The following CNTNAP2 variants were observed in gnomAD, a reference collection of about 807,000 sequenced individuals.
The protein encoded by CNTNAP2 is contactin associated protein 2, also known as contactin-associated protein-like 2.
Under a neutral mutation model 155.2 loss-of-function variants are expected in CNTNAP2, and 98 were observed. That is an observed-to-expected ratio of 0.63 (90% CI 0.54 to 0.75). The LOEUF is 0.75. Ranked by LOEUF, CNTNAP2 falls within the 30% of genes least tolerant of loss-of-function variation. CNTNAP2 has a pLI of 0.00. For missense variants in CNTNAP2, 1,727 were observed against 1,688.1 expected (o/e 1.02, Z -0.40); for synonymous variants, 651 against 631.2 (o/e 1.03, Z -0.47).
chr7:146,784,780 T>G (rs1802546145), intron 2 of CNTNAP2, among the ~76,000 whole-genome samples: 1 of 152,144 alleles, frequency 6.6e-6, no homozygotes, highest in South Asian at 2.1e-4. Flanking sequence ...TCTTACAGAT[T>G]CTTAGTGGTC....
At chr7:148,160,284 C>T (rs374930629) in intron 17 of CNTNAP2, among the ~76,000 whole-genome samples, 4 of 151,028 alleles carry the variant, frequency 2.6e-5, no homozygotes, top group Admixed American at 1.3e-4. Context: ...TAATGATGTG[C>T]GCCTATAGTC....
chr7:146,571,734 CTTT>C (rs376437154), intron 1 of CNTNAP2, among the ~76,000 whole-genome samples: 272 of 137,624 alleles, frequency 2.0e-3, no homozygotes, highest in Non-Finnish European at 2.1e-3. Context: ...TCTTTTCTTT[CTTT>C]TTTTTTTTTT....
intron 10 of CNTNAP2, among the ~76,000 whole-genome samples, chr7:147,401,311 GA>G (rs1399710990): frequency 6.6e-6 from 1 of 152,100 alleles, no homozygotes; most frequent in Non-Finnish European, 1.5e-5. Flanking sequence ...TACCACTTGA[GA>G]AATTATGAAT....
intron 1 of CNTNAP2, among the ~76,000 whole-genome samples, chr7:146,413,057 AG>A (rs1289205279): frequency 6.6e-6 from 1 of 151,510 alleles, no homozygotes; most frequent in African/African-American, 2.5e-5. Flanking sequence ...ACTGCGTTGC[AG>A]AGCAAAAAAC....
intron 21 of CNTNAP2, among the ~76,000 whole-genome samples, chr7:148,364,903 T>G (rs1798708185): frequency 6.6e-6 from 1 of 152,208 alleles, no homozygotes. Flanking sequence ...GCTGCTTTTA[T>G]GAGCTGTAAC....
At chr7:146,314,943 A>G (rs961142166) in intron 1 of CNTNAP2, among the ~76,000 whole-genome samples, 6 of 152,200 alleles carry the variant, frequency 3.9e-5, no homozygotes, top group Admixed American at 1.3e-4. Context: ...GGGAGAAGGC[A>G]CAGGAGTGCT....
intron 3 of CNTNAP2, among the ~76,000 whole-genome samples, chr7:146,955,124 G>C (rs1185012257): frequency 6.6e-6 from 1 of 151,964 alleles, no homozygotes; most frequent in African/African-American, 2.4e-5. Flanking sequence ...GTACCCACTT[G>C]AGCAAAACTT....
chr7:146,896,656 C>T (rs1449493457), intron 3 of CNTNAP2, among the ~76,000 whole-genome samples: 1 of 151,870 alleles, frequency 6.6e-6, no homozygotes, highest in Non-Finnish European at 1.5e-5. Flanking sequence ...TGGCAAAACC[C>T]ACAATTACTT....
chr7:147,147,577 G>A (rs1367072453), intron 8 of CNTNAP2, among the ~76,000 whole-genome samples: 1 of 152,060 alleles, frequency 6.6e-6, no homozygotes, highest in Non-Finnish European at 1.5e-5. Context: ...GTCCTTCCAC[G>A]GCTCAGCATC....
intron 1 of CNTNAP2, among the ~76,000 whole-genome samples, chr7:146,433,978 G>A (rs769679157): frequency 2.2e-4 from 34 of 152,106 alleles, no homozygotes; most frequent in Non-Finnish European, 4.3e-4. Context: ...TAATGGTCTT[G>A]ACTATTACAG....
intron 5 of CNTNAP2, 89 bp downstream of exon 5, chr7:147,108,439 T>C (rs1563079362): frequency 8.8e-7 from 1 of 1,133,140 alleles, no homozygotes. Context: ...AAAATGTAAA[T>C]TATAAAAAGA....
chr7:147,111,573 A>G (rs1190087056), intron 5 of CNTNAP2, among the ~76,000 whole-genome samples: 1 of 152,006 alleles, frequency 6.6e-6, no homozygotes, highest in Non-Finnish European at 1.5e-5. Flanking sequence ...TCCAGTTTCA[A>G]TTTTCTGCAT....
At position 147,749,096 on chromosome 7, in the gene CNTNAP2, G is replaced by T. The variant is rs372810573; in HGVS notation, c.2098+109790G>T. Among the ~76,000 whole-genome samples the T allele has an allele frequency of 8.0e-3, 1,211 of 152,256 alleles. 10 individuals are homozygous for T. Among genetic ancestry groups the T allele is most frequent in the African/African-American group, 0.028 (1,162 of 41,534 alleles). On this transcript the variant is annotated intron_variant, in intron 13 of 23. Transcript: ENST00000361727. The stretch of plus-strand genomic sequence containing the variant: ...AAATGCAATTGGTTATACAATATTT[G>T]GGGGGAAAGAATGATAAAAGTCAAA...
chr7:146,474,441 C>T (rs980005284), intron 1 of CNTNAP2, among the ~76,000 whole-genome samples: 1 of 150,924 alleles, frequency 6.6e-6, no homozygotes, highest in Non-Finnish European at 1.5e-5. Context: ...GGTCTACCTC[C>T]CTCCATATAT....
chr7:146,197,507 T>A (rs1427667212), intron 1 of CNTNAP2, among the ~76,000 whole-genome samples: 2 of 152,178 alleles, frequency 1.3e-5, no homozygotes, highest in African/African-American at 4.8e-5. Context: ...TAAAAGTACC[T>A]GTAGATTTTT....
intron 8 of CNTNAP2, among the ~76,000 whole-genome samples, chr7:147,153,641 G>A (rs1001292887): frequency 5.3e-5 from 8 of 152,140 alleles, no homozygotes; most frequent in African/African-American, 1.4e-4. Context: ...AGTGAATGAC[G>A]AGAGAGTAGT....
rs36020816 is a variant in CNTNAP2, at chr7:148,405,420, A to ATTTTTTTTTT, written c.3716-3954_3716-3945dup. Among the ~76,000 whole-genome samples the ATTTTTTTTTT allele has an allele frequency of 1.7e-4, 11 of 64,284 alleles. 5 individuals are homozygous for ATTTTTTTTTT. The highest frequency in any genetic ancestry group is 6.3e-4 in the African/African-American group (8 of 12,624). 42.2% of individuals were successfully genotyped at this position (64,284 alleles called of 152,430 possible). ...TCAAGGGAACCAGATTACCATTGTAATTTTTTTTTTTTTTTTTTTTTTTTT... is the reference window on the plus strand; with the variant it reads ...TCAAGGGAACCAGATTACCATTGTAATTTTTTTTTTTTTTTTTTTTTTTTTTTTTTTTTTT... On this transcript the variant is annotated intron_variant, in intron 22 of 23. Transcript: ENST00000361727.
At chr7:147,217,362 G>A (rs1803297490) in intron 8 of CNTNAP2, among the ~76,000 whole-genome samples, 1 of 151,372 alleles carries the variant, frequency 6.6e-6, no homozygotes, top group African/African-American at 2.4e-5. Context: ...ATCATAAATG[G>A]GTGATAGATT....
chr7:146,167,044 G>C (rs1325208841), intron 1 of CNTNAP2, among the ~76,000 whole-genome samples: 2 of 152,066 alleles, frequency 1.3e-5, no homozygotes, highest in African/African-American at 2.4e-5. Context: ...ACATGAAGCT[G>C]GGGAATTTTA....
Sources: gnomAD v4.1 joint callset for allele counts (sites outside exome capture counted in the v4.1 genomes callset) on GRCh38, gnomAD v4.1.1 for gene constraint, MANE v1.5 for transcripts, NCBI Gene and HGNC (gene_info 2026-07-23, HGNC 2026-07-21) for gene names.